Variants in EXOC6B observed in about 807,000 individuals in gnomAD.
The protein encoded by EXOC6B is SEC15 homolog B.
Under a neutral mutation model 113.5 loss-of-function variants are expected in EXOC6B, and 54 were observed. The ratio of observed to expected loss-of-function variants is 0.48; its 90% CI spans 0.38 to 0.60. EXOC6B has a LOEUF of 0.60. EXOC6B is among the 20% of genes least tolerant of loss of function. EXOC6B has a pLI of 0.00. For synonymous variants in EXOC6B, 357 were observed against 339.0 expected (o/e 1.05, Z -0.58); for missense variants, 797 against 977.5 (o/e 0.82, Z 2.46).
At chr2:72,583,939 C>T (rs1705386163) in intron 6 of EXOC6B, among the ~76,000 whole-genome samples, 2 of 152,126 alleles carry the variant, frequency 1.3e-5, no homozygotes, top group Non-Finnish European at 2.9e-5. Context: ...CCAGGCTGGA[C>T]TCAAACTCCT....
At chr2:72,346,422 G>T (rs781244280) in intron 19 of EXOC6B, among the ~76,000 whole-genome samples, 1 of 152,108 alleles carries the variant, frequency 6.6e-6, no homozygotes, top group African/African-American at 2.4e-5. Context: ...CTGGAGAGAG[G>T]CATTGTTTTA....
intron 18 of EXOC6B, among the ~76,000 whole-genome samples, chr2:72,423,331 G>A (rs367740220): frequency 2.6e-5 from 4 of 151,978 alleles, no homozygotes; most frequent in Non-Finnish European, 5.9e-5. Flanking sequence ...CACTCACCGC[G>A]AGGGTCCGTG....
At chr2:72,789,996 C>T (rs564360111) in intron 1 of EXOC6B, among the ~76,000 whole-genome samples, 1 of 152,102 alleles carries the variant, frequency 6.6e-6, no homozygotes, top group South Asian at 2.1e-4. Context: ...TAAATTTTAC[C>T]AAGTCCTATA....
chr2:72,227,232 T>A (rs545795114), intron 20 of EXOC6B, among the ~76,000 whole-genome samples: 53 of 152,130 alleles, frequency 3.5e-4, no homozygotes, highest in Middle Eastern at 3.4e-3. Flanking sequence ...AAGAGATAAA[T>A]TTAAAATATG....
intron 11 of EXOC6B, among the ~76,000 whole-genome samples, chr2:72,501,763 CT>C (rs34702887): frequency 0.025 from 3,490 of 139,580 alleles, 160 homozygotes; most frequent in African/African-American, 0.086. Context: ...AAAAAAAACA[CT>C]TTTTTTTTTT....
chr2:72,743,599 C>T (rs764472228), intron 1 of EXOC6B, among the ~76,000 whole-genome samples: 18 of 152,178 alleles, frequency 1.2e-4, no homozygotes, highest in Admixed American at 2.6e-4. Flanking sequence ...CACAACCCAC[C>T]TCAACTAGAT....
intron 2 of EXOC6B, 83 bp downstream of exon 2, chr2:72,741,221 C>T: frequency 7.6e-7 from 1 of 1,320,594 alleles, no homozygotes; most frequent in Non-Finnish European, 1.0e-6. Flanking sequence ...AATATGTGTT[C>T]TATGTTATAA....
At chr2:72,615,060 T>C (rs929522362) in intron 6 of EXOC6B, among the ~76,000 whole-genome samples, 18 of 151,786 alleles carry the variant, frequency 1.2e-4, no homozygotes, top group Non-Finnish European at 1.5e-4. Context: ...AATATTTAAA[T>C]GGGGGAGGGA....
intron 6 of EXOC6B, among the ~76,000 whole-genome samples, chr2:72,591,507 A>G (rs930767730): frequency 2.6e-5 from 4 of 152,174 alleles, no homozygotes; most frequent in South Asian, 4.1e-4. Context: ...GTACAAAGTT[A>G]ACAAAAAATG....
At chr2:72,797,881 AC>A (rs527314767) in intron 1 of EXOC6B, among the ~76,000 whole-genome samples, 113 of 151,770 alleles carry the variant, frequency 7.4e-4, no homozygotes, top group African/African-American at 2.6e-3. Flanking sequence ...TTTCATCCCT[AC>A]CCCCCAATGG....
chr2:72,550,919 AT>A (rs761690851), intron 8 of EXOC6B, among the ~76,000 whole-genome samples: 6,442 of 132,910 alleles, frequency 0.048, 132 homozygotes, highest in Middle Eastern at 0.11. Flanking sequence ...TTTTTTTTTT[AT>A]TTTTTTTTTT....
intron 2 of EXOC6B, among the ~76,000 whole-genome samples, 189 bp from the exon 3 acceptor site, chr2:72,733,307 C>A (rs1024925909): frequency 6.6e-6 from 1 of 152,038 alleles, no homozygotes; most frequent in Non-Finnish European, 1.5e-5. Flanking sequence ...GTTTGCATGA[C>A]CTTTTGAAAA....
chr2:72,740,911 G>C (rs1681268482), intron 2 of EXOC6B, among the ~76,000 whole-genome samples: 1 of 152,042 alleles, frequency 6.6e-6, no homozygotes, highest in South Asian at 2.1e-4. Context: ...GACCATCCTG[G>C]CTAACACGGT....
chr2:72,782,796 G>A (rs1240491807), intron 1 of EXOC6B, among the ~76,000 whole-genome samples: 1 of 152,060 alleles, frequency 6.6e-6, no homozygotes, highest in Non-Finnish European at 1.5e-5. Flanking sequence ...CTGGGCCTGG[G>A]CTTAATTCAC....
intron 20 of EXOC6B, among the ~76,000 whole-genome samples, chr2:72,221,131 A>G (rs906803786): frequency 1.3e-5 from 2 of 152,104 alleles, no homozygotes; most frequent in African/African-American, 4.8e-5. Context: ...TCCTTCTCCC[A>G]CACCCTAGTT....
At chr2:72,222,126 G>T (rs942811168) in intron 20 of EXOC6B, among the ~76,000 whole-genome samples, 1 of 152,138 alleles carries the variant, frequency 6.6e-6, no homozygotes, top group Non-Finnish European at 1.5e-5. Flanking sequence ...GGGAAGATGG[G>T]GACTCTTTTA....
chr2:72,285,218 T>C (rs1685356686), intron 20 of EXOC6B, among the ~76,000 whole-genome samples: 1 of 152,076 alleles, frequency 6.6e-6, no homozygotes, highest in Admixed American at 6.6e-5. Context: ...ACTTCAAGAC[T>C]TACTATAAAG....
At chr2:72,745,423 T>C (rs2104830716) in intron 1 of EXOC6B, among the ~76,000 whole-genome samples, 1 of 152,196 alleles carries the variant, frequency 6.6e-6, no homozygotes, top group South Asian at 2.1e-4. Context: ...CATGAAAGGT[T>C]TGCAGTAGAT....
At chr2:72,459,597 C>G (rs941569482) in intron 18 of EXOC6B, among the ~76,000 whole-genome samples, 20 of 152,250 alleles carry the variant, frequency 1.3e-4, no homozygotes, top group African/African-American at 4.8e-4. Context: ...AGTGAACTCT[C>G]ATTCACAATT....
Sources: gnomAD v4.1 joint callset for allele counts (sites outside exome capture counted in the v4.1 genomes callset) on GRCh38, gnomAD v4.1.1 for gene constraint, MANE v1.5 for transcripts, NCBI Gene and HGNC (gene_info 2026-07-23, HGNC 2026-07-21) for gene names.